ERI3: variants seen among roughly 807,000 people sequenced by gnomAD.
The protein encoded by ERI3 is ERI1 exoribonuclease 3.
Under a neutral mutation model 44.4 loss-of-function variants are expected in ERI3, and 18 were observed. That is an observed-to-expected ratio of 0.41 (90% CI 0.28 to 0.60). ERI3 has a LOEUF of 0.60. Among genes scored for constraint, ERI3 ranks in the 20% least tolerant of loss-of-function variants. ERI3 has a pLI of 0.36. For synonymous variants in ERI3, 183 were observed against 164.8 expected (o/e 1.11, Z -0.84); for missense variants, 294 against 435.5 (o/e 0.68, Z 2.89).
chr1:44,238,462 C>T (rs1291765813), intron 8 of ERI3, among the ~76,000 whole-genome samples: 3 of 152,172 alleles, frequency 2.0e-5, no homozygotes, highest in African/African-American at 7.2e-5. Flanking sequence ...CTAAACCAAT[C>T]ACCGGCTCCT....
chr1:44,278,237 G>A (rs950618031), intron 7 of ERI3, among the ~76,000 whole-genome samples: 1 of 152,110 alleles, frequency 6.6e-6, no homozygotes, highest in African/African-American at 2.4e-5. Flanking sequence ...CAACACTTTG[G>A]GAGGCCGAGG....
At chr1:44,337,440 C>T (rs1219169992) in intron 3 of ERI3, among the ~76,000 whole-genome samples, 2 of 152,182 alleles carry the variant, frequency 1.3e-5, no homozygotes, top group Non-Finnish European at 2.9e-5. Flanking sequence ...CACCAGCTGC[C>T]CTCACCACAC....
chr1:44,222,341 T>C (rs1643920194), intron 8 of ERI3, among the ~76,000 whole-genome samples: 1 of 152,234 alleles, frequency 6.6e-6, no homozygotes. Context: ...ATCAGCCGTC[T>C]ACCAAACCCT....
chr1:44,291,070 C>A (rs1214543789), intron 6 of ERI3, among the ~76,000 whole-genome samples: 1 of 152,192 alleles, frequency 6.6e-6, no homozygotes, highest in Non-Finnish European at 1.5e-5. Flanking sequence ...CAGAGGCAGA[C>A]ACAATGTGTC....
intron 7 of ERI3, among the ~76,000 whole-genome samples, chr1:44,248,308 C>A (rs1644597672): frequency 6.6e-6 from 1 of 152,150 alleles, no homozygotes. Context: ...CTAAGGAGTT[C>A]CCGTTCACTA....
chr1:44,229,536 G>C (rs1056160062), intron 8 of ERI3, among the ~76,000 whole-genome samples: 3 of 152,178 alleles, frequency 2.0e-5, no homozygotes, highest in African/African-American at 7.2e-5. Flanking sequence ...GATAAAGAGG[G>C]AATTTTTACA....
intron 8 of ERI3, among the ~76,000 whole-genome samples, chr1:44,222,432 T>C (rs1203962670): frequency 6.6e-6 from 1 of 152,240 alleles, no homozygotes; most frequent in Non-Finnish European, 1.5e-5. Flanking sequence ...GCCCTGTTTC[T>C]GCCCATACCT....
rs189409642 is a variant in ERI3 at position 44,304,128 on chromosome 1, G to C, written c.758+4182C>G. 3.0e-3 allele frequency among the ~76,000 whole-genome samples: 464 copies of C among 152,220 alleles called. 1 individual carries two copies. The highest frequency in any genetic ancestry group is 4.6e-3 in the Non-Finnish European group (310 of 68,002). ...GAAAGATAAACATCTGAGCTTGAAG[G>C]GGCCTATGGACGTCTAGGTGGAGAT... is the stretch of plus-strand genomic sequence containing the variant. On this transcript the variant is annotated intron_variant, in intron 6 of 8. Coordinates refer to ENST00000372257, the MANE Select transcript of ERI3 (RefSeq NM_024066.3).
chr1:44,250,508 C>T (rs989602292), intron 7 of ERI3, among the ~76,000 whole-genome samples: 1 of 152,196 alleles, frequency 6.6e-6, no homozygotes, highest in African/African-American at 2.4e-5. Context: ...CCAGGGAAAG[C>T]TGGGCCCTTG....
At chr1:44,285,999 G>C (rs1645387542) in intron 6 of ERI3, among the ~76,000 whole-genome samples, 1 of 152,136 alleles carries the variant, frequency 6.6e-6, no homozygotes, top group Non-Finnish European at 1.5e-5. Flanking sequence ...AAAAAATGGT[G>C]ATCAAGGAAC....
At chr1:44,304,950 C>G (rs1251966074) in intron 6 of ERI3, among the ~76,000 whole-genome samples, 4 of 152,180 alleles carry the variant, frequency 2.6e-5, no homozygotes, top group Admixed American at 6.5e-5. Flanking sequence ...ACTTCCTGCT[C>G]CAAAACTGAG....
At chr1:44,257,303 A>C (rs990841440) in intron 7 of ERI3, among the ~76,000 whole-genome samples, 1 of 152,108 alleles carries the variant, frequency 6.6e-6, no homozygotes, top group Non-Finnish European at 1.5e-5. Flanking sequence ...CAGTTGGCTC[A>C]ATGTACTCCC....
At chr1:44,266,109 G>A (rs375616288) in intron 7 of ERI3, among the ~76,000 whole-genome samples, 2 of 152,226 alleles carry the variant, frequency 1.3e-5, no homozygotes, top group Non-Finnish European at 2.9e-5. Flanking sequence ...CATCAACTGT[G>A]AACAAAGTCA....
At chr1:44,270,235 C>T (rs978737692) in intron 7 of ERI3, among the ~76,000 whole-genome samples, 1 of 152,356 alleles carries the variant, frequency 6.6e-6, no homozygotes, top group Admixed American at 6.5e-5. Context: ...ATAAGTTCAT[C>T]TTTCTCCTGC....
At position 44,318,975 on chromosome 1, in the gene ERI3, G is replaced by A. The variant is rs145386196; in HGVS notation, c.606+653C>T. Among the ~76,000 whole-genome samples the A allele has an allele frequency of 7.5e-4, 114 of 152,312 alleles. 1 individual carries two copies. The highest frequency in any genetic ancestry group is 2.5e-3 in the African/African-American group (104 of 41,572). Reference sequence around the variant, plus strand: ...GAACTTGCAGGGGCTCCTCCCCTCTGCCAATGGCTCTTTTGAGCCTCCAGC... The same window carrying A: ...GAACTTGCAGGGGCTCCTCCCCTCTACCAATGGCTCTTTTGAGCCTCCAGC... On this transcript the variant is annotated intron_variant, in intron 4 of 8. Coordinates refer to ENST00000372257, the MANE Select transcript of ERI3 (RefSeq NM_024066.3).
intron 7 of ERI3, among the ~76,000 whole-genome samples, chr1:44,279,956 G>GC (rs1645253529): frequency 1.3e-5 from 2 of 152,024 alleles, no homozygotes; most frequent in African/African-American, 4.8e-5. Flanking sequence ...ACTGAACAGG[G>GC]CTGGGTAGGA....
At position 44,241,890 on chromosome 1, in the gene ERI3, C is replaced by G. The variant is rs1424338540; in HGVS notation, c.931+6049G>C. 5.8e-5 allele frequency: 54 copies of G among 929,032 alleles called. No homozygotes were observed. The highest frequency in any genetic ancestry group is 6.8e-5 in the Non-Finnish European group (53 of 778,444). The allele number at this position is 929,032 out of a possible 1,614,324, so 57.5% of individuals were successfully genotyped here. A position where few individuals can be genotyped will look rare whatever the true frequency, so the allele number is the denominator to read the frequency against. Reference sequence around the variant, plus strand: ...TCCATCCATCTGTCCATCAACTCACCCACCCATCTAGTCCATCAACTCACC... The same window carrying G: ...TCCATCCATCTGTCCATCAACTCACGCACCCATCTAGTCCATCAACTCACC... On this transcript the variant is annotated intron_variant, in intron 8 of 8. Coordinates refer to ENST00000372257, the MANE Select transcript of ERI3 (RefSeq NM_024066.3). This position sits in a 1 kb window ranked among gnomAD's most constrained non-coding sequence, Gnocchi z 5.6.
chr1:44,325,156 T>C (rs161719), intron 3 of ERI3, among the ~76,000 whole-genome samples: 146,326 of 150,416 alleles, frequency 0.97, 71,200 homozygotes, highest in Middle Eastern at 1. Context: ...CGGCTCAATG[T>C]AACCTCCGCC....
rs371770124 is a variant in ERI3, at chr1:44,252,121, G to A, written c.832-4083C>T. ...GGGTTCCCAGACAGAGGGTGGGGCA[G>A]GTAGGAAGATGACTGAGGTGCTCCT... On this transcript the variant is annotated intron_variant, in intron 7 of 8. Coordinates refer to ENST00000372257, the MANE Select transcript of ERI3 (RefSeq NM_024066.3). This position sits in a 1 kb window ranked among gnomAD's most constrained non-coding sequence, Gnocchi z 4.7. Among the ~76,000 whole-genome samples the A allele has an allele frequency of 8.0e-4, 122 of 152,364 alleles. No homozygotes were observed. The highest frequency in any genetic ancestry group is 2.8e-3 in the African/African-American group (117 of 41,580).
Sources: allele counts gnomAD v4.1 joint callset (sites outside exome capture counted in the v4.1 genomes callset), GRCh38; gene constraint gnomAD v4.1.1; non-coding constraint Gnocchi (gnomAD v3.1); transcripts MANE v1.5; gene names NCBI Gene and HGNC (gene_info 2026-07-23, HGNC 2026-07-21).